CARMIL3: variants seen among roughly 807,000 people sequenced by gnomAD.
CARMIL3 encodes capping protein regulator and myosin 1 linker 3.
In CARMIL3, 88 loss-of-function variants were observed where a neutral mutation model predicts 180.8. The observed-to-expected ratio is 0.49, with a 90% CI of 0.41 to 0.58. The LOEUF (loss-of-function observed/expected upper bound fraction) is 0.58. Ranked by LOEUF, CARMIL3 falls within the 20% of genes least tolerant of loss-of-function variation. The probability of loss-of-function intolerance (pLI) is 0.00; values close to 1 mark genes in which losing one functional copy is unlikely to be tolerated. For missense variants in CARMIL3, 1,548 were observed against 1,787.0 expected, an observed-to-expected ratio of 0.87 and a Z score of 2.41; for synonymous variants, 696 against 714.5, an observed-to-expected ratio of 0.97 and a Z score of 0.41.
intron 27 of CARMIL3, chr14:24,062,241 G>A (rs375551878): frequency 2.8e-5 from 16 of 580,286 alleles, no homozygotes; most frequent in African/African-American, 2.1e-4. Context: ...CCTTCTCCTC[G>A]AATTCCTCTT....
At position 24,068,625 on chromosome 14, in the gene CARMIL3, C is replaced by T; in HGVS notation, c.3724C>T (p.Pro1242Ser). 1 of 1,613,950 alleles carries T rather than the reference C, an allele frequency of 6.2e-7. No homozygotes were observed. The highest frequency in any genetic ancestry group is 8.5e-7 in the Non-Finnish European group (1 of 1,179,950). Residue 1242 changes from proline (P) to serine (S), a missense_variant, in exon 37 of 40, where the codon CCA (proline) becomes TCA (serine). Physicochemically the swap from Pro to Ser is moderately conservative, Grantham distance 74 (BLOSUM62 -1). Coordinates refer to ENST00000342740, the MANE Select transcript of CARMIL3 (RefSeq NM_138360.4). ...APNHSCQSPS[P>S]ASQDGEEEKE... ...CAACCACAGCTGCCAGAGTCCCAGCCCAGCCTCCCAAGATGGGGAAGAGGA... is the reference window on the plus strand; with the variant it reads ...CAACCACAGCTGCCAGAGTCCCAGCTCAGCCTCCCAAGATGGGGAAGAGGA...
At chr14:24,063,823 T>C (rs981549698) in intron 31 of CARMIL3, among the ~76,000 whole-genome samples, 3 of 152,038 alleles carry the variant, frequency 2.0e-5, no homozygotes, top group Admixed American at 6.6e-5. Context: ...GAGCTGGGCA[T>C]GGTGGCTCAG....
intron 13 of CARMIL3, 31 bp downstream of exon 13, chr14:24,057,055 C>A: frequency 6.2e-7 from 1 of 1,605,432 alleles, no homozygotes; most frequent in Non-Finnish European, 8.5e-7. Flanking sequence ...CAGCCCCCTG[C>A]AGAAAGCATG....
intron 1 of CARMIL3, 71 bp from the exon 2 acceptor site, chr14:24,053,638 C>G (rs1291466617): frequency 8.6e-7 from 1 of 1,156,722 alleles, no homozygotes; most frequent in Non-Finnish European, 1.2e-6. Context: ...CTGCCTCTAT[C>G]TGGAGAGCTC....
chr14:24,056,170 T>A, intron 10 of CARMIL3, 129 bp from the exon 11 acceptor site: 2 of 703,290 alleles, frequency 2.8e-6, no homozygotes, highest in South Asian at 3.7e-5. Flanking sequence ...GGCCCTGAGC[T>A]GTTCCCCTGT....
chr14:24,065,218 G>T lies in CARMIL3; in HGVS notation c.3341G>T (p.Ser1114Ile), dbSNP rs770158811. 3 of 1,557,574 alleles carry T rather than the reference G, an allele frequency of 1.9e-6. No individual in the cohort carries two copies. Among genetic ancestry groups the T allele is most frequent in the African/African-American group, 1.4e-5 (1 of 72,402 alleles). ...CCCTGCTGGAGCCCAGAGGAGGAGAGCAGCCTCCTCCCTGGATTTGGTGGG... is the reference window on the plus strand; with the variant it reads ...CCCTGCTGGAGCCCAGAGGAGGAGATCAGCCTCCTCCCTGGATTTGGTGGG... ...SSPCWSPEEESSLLPGFGGGR... is the reference protein window; with the variant it reads ...SSPCWSPEEEISLLPGFGGGR... The change falls in exon 33 of 40, where the codon AGC (serine) becomes ATC (isoleucine). Residue 1114 changes from serine (S) to isoleucine (I), a missense_variant. This residue lies in a region of CARMIL3 where 668 missense variants were observed against 687.8 expected (regional missense o/e 0.97). Transcript: ENST00000342740.
At position 24,054,076 on chromosome 14, in the gene CARMIL3, C is replaced by A; in HGVS notation, c.136-12C>A. The A allele has an allele frequency of 6.2e-7, 1 of 1,613,284 alleles. No homozygotes were observed. Among genetic ancestry groups the A allele is most frequent in the Non-Finnish European group, 8.5e-7 (1 of 1,179,942 alleles). On this transcript the variant is annotated splice_polypyrimidine_tract_variant and intron_variant, in intron 2 of 39. Coordinates refer to ENST00000342740, the MANE Select transcript of CARMIL3 (RefSeq NM_138360.4). The surrounding 1 kb of genome is among the most constrained non-coding windows in gnomAD (Gnocchi z 5.1). ...GCTGCCATGAGCTGCCGATTTTTTCCTCTCTCTGTAGGCCCTGACCTCCTG... is the reference window on the plus strand; with the variant it reads ...GCTGCCATGAGCTGCCGATTTTTTCATCTCTCTGTAGGCCCTGACCTCCTG...
intron 38 of CARMIL3, 62 bp from the exon 39 acceptor site, chr14:24,069,075 T>G (rs557026209): frequency 6.2e-7 from 1 of 1,604,006 alleles, no homozygotes; most frequent in East Asian, 2.2e-5. Flanking sequence ...AGTCACAGCC[T>G]GGATGAGCAT....
rs558686354 is a variant in CARMIL3 at position 24,059,803 on chromosome 14, T to G, written c.1868+71T>G. On this transcript the variant is annotated intron_variant, in intron 22 of 39. Transcript: ENST00000342740. The surrounding 1 kb of genome is among the most constrained non-coding windows in gnomAD (Gnocchi z 6.3). Reference sequence around the variant, plus strand: ...TGTGCCTGGATCAGGCCTGAACTACTCTTGCCCCACCCTAGCCCCTTTGAC... The same window carrying G: ...TGTGCCTGGATCAGGCCTGAACTACGCTTGCCCCACCCTAGCCCCTTTGAC... 1 of 1,570,004 alleles carries G rather than the reference T, an allele frequency of 6.4e-7. No individual in the cohort carries two copies. The highest frequency in any genetic ancestry group is 8.8e-7 in the Non-Finnish European group (1 of 1,141,484).
Position 24,069,223 on chromosome 14 carries a change from A to G in CARMIL3, c.4069A>G (p.Arg1357Gly). 1 of 1,614,010 alleles carries G rather than the reference A, an allele frequency of 6.2e-7. No individual in the cohort carries two copies. Among genetic ancestry groups the G allele is most frequent in the Non-Finnish European group, 8.5e-7 (1 of 1,179,988 alleles). ...AQSCDKLEPD[R>G]RRPPDPTGTS... ...GTCCTGTGACAAGCTGGAACCTGAT[A>G]GAAGACGGCCTCCTGACCCCACAGG... The change falls in exon 39 of 40, where the codon AGA (arginine) becomes GGA (glycine). Residue 1357 changes from arginine (R) to glycine (G), a missense_variant. Arg to Gly is a moderately radical substitution (Grantham distance 125). Around this residue, in one of 4 missense-constraint regions of CARMIL3, gnomAD observed 668 missense variants for 687.8 expected, o/e 0.97. Transcript: ENST00000342740.
Position 24,058,112 on chromosome 14 carries a change from G to T in CARMIL3, c.1323-43G>T. 1 of 1,613,746 alleles carries T rather than the reference G, an allele frequency of 6.2e-7. No individual in the cohort carries two copies. The highest frequency in any genetic ancestry group is 8.5e-7 in the Non-Finnish European group (1 of 1,179,980). ...GGCGCATCCAAGGGAACCACGGGGA[G>T]CGGGAAGAGGTAAAGGAGGGCCTGC... On this transcript the variant is annotated intron_variant, in intron 16 of 39. Transcript: ENST00000342740. The surrounding 1 kb of genome is among the most constrained non-coding windows in gnomAD (Gnocchi z 6.4).
At chr14:24,064,410 C>A in intron 32 of CARMIL3, 64 bp downstream of exon 32, 1 of 1,199,556 alleles carries the variant, frequency 8.3e-7, no homozygotes, top group Non-Finnish European at 1.2e-6. Flanking sequence ...GCTGCTGTGT[C>A]CTCCCAGCTC....
intron 29 of CARMIL3, 81 bp downstream of exon 29, chr14:24,062,927 T>C (rs530093133): frequency 2.7e-4 from 421 of 1,552,448 alleles, no homozygotes; most frequent in Admixed American, 3.8e-4. Flanking sequence ...CTTCCACTGA[T>C]CTGTACTCCC....
rs763314436 is a variant in CARMIL3 at position 24,058,652 on chromosome 14, C to A, written c.1393-28C>A. Reference sequence around the variant, plus strand: ...TGCCCTACCCCCACCCCAACCCCTGCCTTCCCTACCTCACCTTGTCCCTGC... The same window carrying A: ...TGCCCTACCCCCACCCCAACCCCTGACTTCCCTACCTCACCTTGTCCCTGC... On this transcript the variant is annotated intron_variant, in intron 17 of 39. Transcript: ENST00000342740. The surrounding 1 kb of genome is among the most constrained non-coding windows in gnomAD (Gnocchi z 6.4). 2 of 1,609,518 alleles carry A rather than the reference C, an allele frequency of 1.2e-6. No homozygotes were observed. Among genetic ancestry groups the A allele is most frequent in the Non-Finnish European group, 1.7e-6 (2 of 1,177,192 alleles).
In CARMIL3 at chr14:24,054,404, G is replaced by A. The variant is rs1368448858; in HGVS notation, c.255G>A (p.Val85=). 2 of 1,614,048 alleles carry A rather than the reference G, an allele frequency of 1.2e-6. No homozygotes were observed. The highest frequency in any genetic ancestry group is 1.3e-5 in the African/African-American group (1 of 74,920). The change falls in exon 5 of 40, where the codon GTG becomes GTA. Residue 85 remains valine (V), a synonymous_variant. Coordinates refer to ENST00000342740, the MANE Select transcript of CARMIL3 (RefSeq NM_138360.4). This position sits in a 1 kb window ranked among gnomAD's most constrained non-coding sequence, Gnocchi z 5.1. The part of the protein sequence containing the change: ...FNTLSQNQIL[V]ETERGMVSMR... ...CGCTTCGTCTCCCCCAGATCCTGGTGGAGACGGAGCGTGGCATGGTGAGCA... is the reference window on the plus strand; with the variant it reads ...CGCTTCGTCTCCCCCAGATCCTGGTAGAGACGGAGCGTGGCATGGTGAGCA...
Position 24,069,485 on chromosome 14 carries a change from C to A in CARMIL3, c.*81C>A. The A allele has an allele frequency of 1.3e-6, 2 of 1,575,394 alleles. No individual in the cohort carries two copies. The highest frequency in any genetic ancestry group is 1.7e-6 in the Non-Finnish European group (2 of 1,151,182). On this transcript the variant is annotated 3_prime_UTR_variant, in exon 40 of 40. Coordinates refer to ENST00000342740, the MANE Select transcript of CARMIL3 (RefSeq NM_138360.4). ...CCCTATCCACCCCCAGTCCCCAGGG[C>A]CCCCTGCCAGCCCCTGTCCTACAGG...
At chr14:24,069,098 C>A (rs768480298) in intron 38 of CARMIL3, 39 bp from the exon 39 acceptor site, 10 of 1,610,506 alleles carry the variant, frequency 6.2e-6, no homozygotes, top group Non-Finnish European at 8.5e-6. Flanking sequence ...CAGCATGAGC[C>A]CCACTCCTGT....
At chr14:24,062,314 G>C in intron 27 of CARMIL3, 166 bp from the exon 28 acceptor site, 1 of 683,780 alleles carries the variant, frequency 1.5e-6, no homozygotes, top group Admixed American at 2.2e-5. Flanking sequence ...GTGGAGAAAT[G>C]AGTGTCAAGG....
At chr14:24,062,962 T>G (rs527426269) in intron 29 of CARMIL3, 116 bp downstream of exon 29, 2 of 1,538,796 alleles carry the variant, frequency 1.3e-6, no homozygotes, top group Admixed American at 1.8e-5. Flanking sequence ...GTGCCTGGCC[T>G]TCTGCCTCCA....
Sources: allele counts gnomAD v4.1 joint callset (sites outside exome capture counted in the v4.1 genomes callset), GRCh38; gene constraint gnomAD v4.1.1; regional missense constraint gnomAD v4.1.1; non-coding constraint Gnocchi (gnomAD v3.1); transcripts MANE v1.5; gene names NCBI Gene and HGNC (gene_info 2026-07-23, HGNC 2026-07-21).